The following PCNX2 variants were observed in gnomAD, a reference collection of about 807,000 sequenced individuals.
The protein encoded by PCNX2 is pecanex-like protein 2.
In PCNX2, 168 loss-of-function variants were observed where a neutral mutation model predicts 223.8. That is an observed-to-expected ratio of 0.75 (90% CI 0.66 to 0.85). The LOEUF is 0.85. Ranked by LOEUF, PCNX2 falls within the 40% of genes least tolerant of loss-of-function variation. PCNX2 has a pLI of 0.00. For synonymous variants in PCNX2, 1,006 were observed against 1,052.6 expected (o/e 0.96, Z 0.86); for missense variants, 2,507 against 2,675.5 (o/e 0.94, Z 1.39).
At chr1:233,100,435 A>G (rs1050975214) in intron 21 of PCNX2, among the ~76,000 whole-genome samples, 95 of 151,880 alleles carry the variant, frequency 6.3e-4, no homozygotes, top group African/African-American at 1.9e-3. Context: ...AAAAAAAAAA[A>G]AAAAGAAAAT....
intron 15 of PCNX2, among the ~76,000 whole-genome samples, chr1:233,190,496 T>C (rs767335935): frequency 3.9e-5 from 6 of 152,234 alleles, no homozygotes; most frequent in Non-Finnish European, 7.3e-5. Context: ...TGCTCTATTT[T>C]TAACAAAAGG....
chr1:233,023,259 A>T (rs1318103153), intron 26 of PCNX2, among the ~76,000 whole-genome samples: 1 of 152,170 alleles, frequency 6.6e-6, no homozygotes, highest in East Asian at 1.9e-4. Context: ...ACCATTTATC[A>T]TCTGTTTTCT....
intron 22 of PCNX2, 159 bp downstream of exon 22, chr1:233,095,596 C>G (rs539149439): frequency 2.4e-5 from 16 of 654,168 alleles, no homozygotes; most frequent in Middle Eastern, 3.0e-4. Context: ...TCTTTTAAGG[C>G]TAAGTGGCCT....
chr1:233,185,084 A>AACACACACAC (rs60719299), intron 15 of PCNX2, among the ~76,000 whole-genome samples: 17 of 141,832 alleles, frequency 1.2e-4, no homozygotes, highest in African/African-American at 3.4e-4. Context: ...TACATACATA[A>AACACACACAC]ACACACACAC....
chr1:233,139,992 T>C lies in PCNX2; in HGVS notation c.3518-137A>G, dbSNP rs1571952502. ...AGAACTCGTGATACTAGACATGATA[T>C]ACCATTTTTTTCCAGGCAGCAACTG... is the stretch of plus-strand genomic sequence containing the variant. On this transcript the variant is annotated intron_variant, in intron 19 of 33. Transcript: ENST00000258229. This position sits in a 1 kb window ranked among gnomAD's most constrained non-coding sequence, Gnocchi z 4.4. 3.7e-6 allele frequency: 4 copies of C among 1,082,470 alleles called. No homozygotes were observed. In the East Asian group the frequency reaches 7.8e-5, roughly 21 times the overall value. The allele number at this position is 1,082,470 out of a possible 1,614,324, so 67.1% of individuals were successfully genotyped here. A position where few individuals can be genotyped will look rare whatever the true frequency, so the allele number is the denominator to read the frequency against.
At chr1:233,011,184 A>G (rs1427636923) in intron 28 of PCNX2, among the ~76,000 whole-genome samples, 1 of 152,228 alleles carries the variant, frequency 6.6e-6, no homozygotes, top group Non-Finnish European at 1.5e-5. Context: ...CCATCATTGT[A>G]TAAAAACAAT....
At chr1:233,024,811 A>C (rs2102832830) in intron 26 of PCNX2, among the ~76,000 whole-genome samples, 1 of 152,350 alleles carries the variant, frequency 6.6e-6, no homozygotes, top group Non-Finnish European at 1.5e-5. Flanking sequence ...TAACTCAAAC[A>C]TGGAGGCTTA....
intron 23 of PCNX2, among the ~76,000 whole-genome samples, chr1:233,060,565 T>G (rs1672369479): frequency 6.6e-6 from 1 of 152,210 alleles, no homozygotes; most frequent in African/African-American, 2.4e-5. Flanking sequence ...TAATTTGAGT[T>G]TTCTCCAGTG....
chr1:233,199,159 T>C, intron 14 of PCNX2, 129 bp from the exon 15 acceptor site: 1 of 810,334 alleles, frequency 1.2e-6, no homozygotes, highest in South Asian at 1.8e-5. Context: ...AATACATCTA[T>C]GGGATCCATC....
chr1:233,246,901 G>A (rs1480228894), intron 8 of PCNX2, among the ~76,000 whole-genome samples: 1 of 152,200 alleles, frequency 6.6e-6, no homozygotes, highest in Non-Finnish European at 1.5e-5. Context: ...TGCTTTCTGA[G>A]AATTTTCCTT....
intron 28 of PCNX2, among the ~76,000 whole-genome samples, chr1:233,002,903 G>A (rs1670139214): frequency 6.6e-6 from 1 of 152,196 alleles, no homozygotes; most frequent in Admixed American, 6.5e-5. Context: ...AAGCAATGGG[G>A]AAAGGATTCC....
intron 1 of PCNX2, among the ~76,000 whole-genome samples, chr1:233,277,118 A>G (rs1660956468): frequency 6.6e-6 from 1 of 152,184 alleles, no homozygotes; most frequent in Non-Finnish European, 1.5e-5. Context: ...TTAGAGACAC[A>G]AAGAAAGCCT....
Position 233,034,589 on chromosome 1 carries a change from T to G in PCNX2, c.4352-9190A>C, listed in dbSNP as rs1304151639. ...GCAGTGAATTTTAATATATTCTCTC[T>G]GAGAGGCACAGGATTGTAGCTAATT... On this transcript the variant is annotated intron_variant, in intron 25 of 33. Coordinates refer to ENST00000258229, the MANE Select transcript of PCNX2 (RefSeq NM_014801.4). 5.3e-5 allele frequency among the ~76,000 whole-genome samples: 8 copies of G among 152,330 alleles called. No homozygotes were observed. In the East Asian group the frequency reaches 1.5e-3, roughly 29 times the overall value.
intron 8 of PCNX2, among the ~76,000 whole-genome samples, chr1:233,247,877 CAAAAAAA>C (rs57333423): frequency 8.4e-6 from 1 of 119,684 alleles, no homozygotes; most frequent in Admixed American, 8.8e-5. Flanking sequence ...AACTCCGTCT[CAAAAAAA>C]AAAAAAAAAA....
intron 13 of PCNX2, among the ~76,000 whole-genome samples, chr1:233,204,327 T>C (rs929966636): frequency 2.0e-5 from 3 of 152,200 alleles, no homozygotes; most frequent in African/African-American, 7.2e-5. Flanking sequence ...GAGTCTGGAC[T>C]TCTGGCCTCC....
chr1:233,181,754 C>T (rs913725228), intron 15 of PCNX2, among the ~76,000 whole-genome samples: 1 of 152,174 alleles, frequency 6.6e-6, no homozygotes, highest in Non-Finnish European at 1.5e-5. Flanking sequence ...GTTGTGTTCT[C>T]ACATGGTAGA....
At chr1:233,217,223 G>GA (rs1025254795) in intron 12 of PCNX2, among the ~76,000 whole-genome samples, 2 of 149,436 alleles carry the variant, frequency 1.3e-5, no homozygotes, top group African/African-American at 4.9e-5. Flanking sequence ...GTTCTCACCA[G>GA]AAAAAAAAAT....
At chr1:233,289,923 G>T (rs1558430175) in intron 1 of PCNX2, among the ~76,000 whole-genome samples, 1 of 152,210 alleles carries the variant, frequency 6.6e-6, no homozygotes, top group Non-Finnish European at 1.5e-5. Flanking sequence ...GGATTAAATG[G>T]GCCAGGAAAG....
intron 21 of PCNX2, among the ~76,000 whole-genome samples, chr1:233,101,922 T>C (rs976492118): frequency 6.6e-6 from 1 of 152,176 alleles, no homozygotes; most frequent in African/African-American, 2.4e-5. Context: ...TAAAAATCTG[T>C]CATCCATGAT....
Sources: allele counts gnomAD v4.1 joint callset (sites outside exome capture counted in the v4.1 genomes callset), GRCh38; gene constraint gnomAD v4.1.1; non-coding constraint Gnocchi (gnomAD v3.1); transcripts MANE v1.5; gene names NCBI Gene and HGNC (gene_info 2026-07-23, HGNC 2026-07-21).